Variants in SH3GL2 observed in about 807,000 individuals in gnomAD.
SH3GL2 encodes the protein endophilin-A1.
SH3GL2 carries 24 observed loss-of-function variants against 46.0 expected under a neutral mutation model. The observed-to-expected ratio is 0.52, with a 90% confidence interval of 0.38 to 0.73. SH3GL2 has a LOEUF of 0.73. Ranked by LOEUF, SH3GL2 falls within the 30% of genes least tolerant of loss-of-function variation. SH3GL2 has a pLI of 0.00. For synonymous variants in SH3GL2, 196 were observed against 147.1 expected (o/e 1.33, Z -2.40); for missense variants, 413 against 424.2 (o/e 0.97, Z 0.23).
intron 1 of SH3GL2, among the ~76,000 whole-genome samples, chr9:17,704,508 G>A (rs1588257532): frequency 1.3e-5 from 2 of 151,976 alleles, no homozygotes; most frequent in South Asian, 4.1e-4. Flanking sequence ...AAAGCTGGAG[G>A]CATCGCATTA....
chr9:17,763,637 C>G (rs1823240242), intron 3 of SH3GL2, among the ~76,000 whole-genome samples: 1 of 152,226 alleles, frequency 6.6e-6, no homozygotes, highest in Admixed American at 6.5e-5. Context: ...GTATGCTGAA[C>G]TGTGAGGGAA....
At chr9:17,711,437 T>C (rs555455090) in intron 1 of SH3GL2, among the ~76,000 whole-genome samples, 50 of 151,878 alleles carry the variant, frequency 3.3e-4, no homozygotes, top group African/African-American at 1.2e-3. Flanking sequence ...CATTACTTTC[T>C]CAACAGAACC....
chr9:17,602,497 C>G (rs544248691), intron 1 of SH3GL2, among the ~76,000 whole-genome samples: 39 of 152,284 alleles, frequency 2.6e-4, no homozygotes, highest in Non-Finnish European at 5.1e-4. Context: ...CTTTCACCCC[C>G]ATCTCCAGGA....
intron 1 of SH3GL2, among the ~76,000 whole-genome samples, chr9:17,668,494 T>C (rs961105720): frequency 6.6e-6 from 1 of 152,188 alleles, no homozygotes; most frequent in African/African-American, 2.4e-5. Context: ...CATGCTCAAG[T>C]TTGAATATTT....
At chr9:17,762,214 G>A (rs1186297645) in intron 3 of SH3GL2, among the ~76,000 whole-genome samples, 1 of 152,066 alleles carries the variant, frequency 6.6e-6, no homozygotes, top group Non-Finnish European at 1.5e-5. Context: ...CACGGAAACG[G>A]GAAGTGAGGC....
intron 1 of SH3GL2, among the ~76,000 whole-genome samples, chr9:17,580,772 C>T (rs950497033): frequency 6.6e-6 from 1 of 152,168 alleles, no homozygotes; most frequent in African/African-American, 2.4e-5. Context: ...AGGACTTCTT[C>T]GATATTACTA....
At chr9:17,651,162 T>G (rs1380753631) in intron 1 of SH3GL2, among the ~76,000 whole-genome samples, 1 of 152,176 alleles carries the variant, frequency 6.6e-6, no homozygotes, top group East Asian at 1.9e-4. Context: ...AACTTTCAGC[T>G]TTTGCTTTAT....
chr9:17,650,075 T>C (rs1471335845), intron 1 of SH3GL2, among the ~76,000 whole-genome samples: 1 of 152,164 alleles, frequency 6.6e-6, no homozygotes, highest in Non-Finnish European at 1.5e-5. Flanking sequence ...GAGAGTAGAG[T>C]TGAGATCATA....
At chr9:17,784,371 G>C (rs943123618) in intron 3 of SH3GL2, among the ~76,000 whole-genome samples, 1 of 152,096 alleles carries the variant, frequency 6.6e-6, no homozygotes, top group African/African-American at 2.4e-5. Flanking sequence ...TTTTATAAAA[G>C]GAATGCATCC....
intron 1 of SH3GL2, among the ~76,000 whole-genome samples, chr9:17,704,512 C>T (rs1412187845): frequency 6.6e-6 from 1 of 152,020 alleles, no homozygotes; most frequent in Non-Finnish European, 1.5e-5. Flanking sequence ...CTGGAGGCAT[C>T]GCATTACCTG....
intron 1 of SH3GL2, among the ~76,000 whole-genome samples, chr9:17,693,357 T>C (rs1235539564): frequency 6.6e-6 from 1 of 152,170 alleles, no homozygotes; most frequent in Non-Finnish European, 1.5e-5. Context: ...ATGGATGCTC[T>C]TTTGGTTGCA....
chr9:17,625,937 T>A (rs1426583962), intron 1 of SH3GL2, among the ~76,000 whole-genome samples: 1 of 152,230 alleles, frequency 6.6e-6, no homozygotes, highest in African/African-American at 2.4e-5. Flanking sequence ...GAAAACCATG[T>A]GACAGCATCG....
chr9:17,634,133 A>G (rs1280568524), intron 1 of SH3GL2, among the ~76,000 whole-genome samples: 1 of 152,164 alleles, frequency 6.6e-6, no homozygotes, highest in East Asian at 1.9e-4. Context: ...GAGTATCCTC[A>G]TCTGTACGGT....
At chr9:17,794,018 T>C (rs1376634988) in intron 8 of SH3GL2, among the ~76,000 whole-genome samples, 2 of 152,248 alleles carry the variant, frequency 1.3e-5, no homozygotes, top group Admixed American at 1.3e-4. Context: ...AGATGATATT[T>C]TGAAACTCGA....
intron 3 of SH3GL2, 68 bp from the exon 4 acceptor site, chr9:17,786,313 T>G: frequency 6.8e-7 from 1 of 1,469,234 alleles, no homozygotes; most frequent in Non-Finnish European, 9.3e-7. Flanking sequence ...GACCTGATCC[T>G]CCATCCAGCC....
rs12379551 is a variant in SH3GL2, at chr9:17,699,037, C to G, written c.46-48029C>G. Among the ~76,000 whole-genome samples the G allele has an allele frequency of 7.9e-5, 12 of 151,300 alleles. No individual in the cohort carries two copies. In the East Asian group the frequency reaches 1.4e-3, roughly 17 times the overall value. ...AGGCATGGTGGTGCGTGCCTGCAGT[C>G]TCAGCTACTTGGGAGGCTGAGGCAG... On this transcript the variant is annotated intron_variant, in intron 1 of 8. Coordinates refer to ENST00000380607, the MANE Select transcript of SH3GL2 (RefSeq NM_003026.5).
chr9:17,587,899 C>CA (rs398068497), intron 1 of SH3GL2, among the ~76,000 whole-genome samples: 11,961 of 140,424 alleles, frequency 0.085, 1,548 homozygotes, highest in African/African-American at 0.28. Flanking sequence ...AAACAAAAAC[C>CA]AAAAAAAAAA....
At chr9:17,740,171 A>G (rs1263830210) in intron 1 of SH3GL2, among the ~76,000 whole-genome samples, 5 of 152,150 alleles carry the variant, frequency 3.3e-5, no homozygotes, top group Non-Finnish European at 7.4e-5. Flanking sequence ...TTAGATAGAC[A>G]AAATGCCTTT....
chr9:17,728,268 A>G (rs931368666), intron 1 of SH3GL2, among the ~76,000 whole-genome samples: 1 of 152,060 alleles, frequency 6.6e-6, no homozygotes, highest in Admixed American at 6.6e-5. Context: ...TTGATTTACT[A>G]TGAGAATAAA....
Sources: allele counts gnomAD v4.1 joint callset (sites outside exome capture counted in the v4.1 genomes callset), GRCh38; gene constraint gnomAD v4.1.1; transcripts MANE v1.5; gene names NCBI Gene and HGNC (gene_info 2026-07-23, HGNC 2026-07-21).